Variants in ZMYND15 observed in about 807,000 individuals in gnomAD.
The protein encoded by ZMYND15 is zinc finger MYND domain-containing protein 15.
In ZMYND15, 54 loss-of-function variants were observed where a neutral mutation model predicts 81.7. The ratio of observed to expected loss-of-function variants is 0.66; its 90% CI spans 0.53 to 0.83. The LOEUF (loss-of-function observed/expected upper bound fraction) is 0.83, where lower values mean the gene tolerates loss of function less well. Ranked by LOEUF, ZMYND15 falls within the 40% of genes least tolerant of loss-of-function variation. The probability of loss-of-function intolerance (pLI) is 0.00; values close to 1 mark genes in which losing one functional copy is unlikely to be tolerated. For synonymous variants in ZMYND15, 399 were observed against 387.0 expected (o/e 1.03, Z -0.36); for missense variants, 925 against 973.5 (o/e 0.95, Z 0.66).
chr17:4,745,547 C>G lies in ZMYND15; in HGVS notation c.2057+172C>G, dbSNP rs1369024014. On this transcript the variant is annotated intron_variant, in intron 13 of 13. Coordinates refer to ENST00000433935, the MANE Select transcript of ZMYND15 (RefSeq NM_001136046.3). This position sits in a 1 kb window ranked among gnomAD's most constrained non-coding sequence, Gnocchi z 5.2. ...ACTACTCGTCGCCCCCATGGGAGGT[C>G]TCGACATCCCCCAGCACACCCCTCT... Among the ~76,000 whole-genome samples, 1 of 151,904 alleles carries G rather than the reference C, an allele frequency of 6.6e-6. No individual in the cohort carries two copies. Among genetic ancestry groups the G allele is most frequent in the East Asian group, 1.9e-4 (1 of 5,154 alleles).
rs770084389 is a variant in ZMYND15 at position 4,744,505 on chromosome 17, C to T, written c.1683+38C>T. On this transcript the variant is annotated intron_variant, in intron 10 of 13. Coordinates refer to ENST00000433935, the MANE Select transcript of ZMYND15 (RefSeq NM_001136046.3). The surrounding 1 kb of genome is among the most constrained non-coding windows in gnomAD (Gnocchi z 4.1). Reference sequence around the variant, plus strand: ...GGGGCCCTGCTTTTCAGCCCTGACCCCTCCAGTGACCTCCTGGTTGGGTCC... The same window carrying T: ...GGGGCCCTGCTTTTCAGCCCTGACCTCTCCAGTGACCTCCTGGTTGGGTCC... 9 of 1,612,312 alleles carry T rather than the reference C, an allele frequency of 5.6e-6. No individual in the cohort carries two copies. In the South Asian group the frequency reaches 7.7e-5, roughly 14 times the overall value.
intron 2 of ZMYND15, 110 bp from the exon 3 acceptor site, chr17:4,741,472 A>G (rs1179115559): frequency 2.5e-6 from 3 of 1,206,246 alleles, no homozygotes; most frequent in Admixed American, 3.7e-5. Context: ...CCCTTTACTC[A>G]GTGAGGTTAC....
In ZMYND15 at chr17:4,743,858, G is replaced by A. The variant is rs780330925; in HGVS notation, c.1378+11G>A. ...CCCGGGGTGTTTTTGGTGAGCTGGA[G>A]GGGCCCTGTGGAAGCTAGGGGTAGG... On this transcript the variant is annotated intron_variant, in intron 7 of 13. Coordinates refer to ENST00000433935, the MANE Select transcript of ZMYND15 (RefSeq NM_001136046.3). This position sits in a 1 kb window ranked among gnomAD's most constrained non-coding sequence, Gnocchi z 4.3. 1.2e-6 allele frequency: 2 copies of A among 1,613,168 alleles called. No individual in the cohort carries two copies. Among genetic ancestry groups the A allele is most frequent in the African/African-American group, 1.3e-5 (1 of 74,868 alleles).
chr17:4,742,623 A>G, intron 5 of ZMYND15, 132 bp downstream of exon 5: 1 of 1,252,038 alleles, frequency 8.0e-7, no homozygotes, highest in Non-Finnish European at 1.1e-6. Flanking sequence ...TCCCTGGAAC[A>G]AGGGCAGGGG....
Position 4,745,427 on chromosome 17 carries a change from C to G in ZMYND15, c.2057+52C>G, listed in dbSNP as rs1033224792. 6.5e-7 allele frequency: 1 copy of G among 1,541,216 alleles called. No individual in the cohort carries two copies. The highest frequency in any genetic ancestry group is 1.4e-5 in the African/African-American group (1 of 72,468). On this transcript the variant is annotated intron_variant, in intron 13 of 13. Coordinates refer to ENST00000433935, the MANE Select transcript of ZMYND15 (RefSeq NM_001136046.3). The surrounding 1 kb of genome is among the most constrained non-coding windows in gnomAD (Gnocchi z 5.2). ...CCTGACCCTTAACTTCTCTTACTCT[C>G]TGGCTCCACATCCTCGAAGGCCCAC...
Position 4,743,622 on chromosome 17 carries a change from C to A in ZMYND15, c.1298-145C>A. 7.8e-7 allele frequency: 1 copy of A among 1,282,198 alleles called. No homozygotes were observed. The highest frequency in any genetic ancestry group is 1.1e-6 in the Non-Finnish European group (1 of 938,090). The allele number at this position is 1,282,198 out of a possible 1,614,324, so 79.4% of individuals were successfully genotyped here. A position where few individuals can be genotyped will look rare whatever the true frequency, so the allele number is the denominator to read the frequency against. ...CTCAATGGAATCACCCCTACCAACTCCACCCAGAAACCCCATCCCTATGCA... is the reference window on the plus strand; with the variant it reads ...CTCAATGGAATCACCCCTACCAACTACACCCAGAAACCCCATCCCTATGCA... On this transcript the variant is annotated intron_variant, in intron 6 of 13. Coordinates refer to ENST00000433935, the MANE Select transcript of ZMYND15 (RefSeq NM_001136046.3). This position sits in a 1 kb window ranked among gnomAD's most constrained non-coding sequence, Gnocchi z 4.3.
Position 4,745,395 on chromosome 17 carries a change from T to C in ZMYND15, c.2057+20T>C, listed in dbSNP as rs761314674. On this transcript the variant is annotated intron_variant, in intron 13 of 13. Transcript: ENST00000433935. The surrounding 1 kb of genome is among the most constrained non-coding windows in gnomAD (Gnocchi z 5.2). ...GTCCTGGTAAGGGTCTGCGACCCTA[T>C]TTCCTTCCTGACCCTTAACTTCTCT... 14 of 1,575,486 alleles carry C rather than the reference T, an allele frequency of 8.9e-6. No individual in the cohort carries two copies. The highest frequency in any genetic ancestry group is 1.2e-5 in the Non-Finnish European group (14 of 1,162,734).
At position 4,741,900 on chromosome 17, in the gene ZMYND15, C is replaced by CG; in HGVS notation, c.828-15_828-14insG. On this transcript the variant is annotated splice_polypyrimidine_tract_variant and intron_variant, in intron 3 of 13. Transcript: ENST00000433935. ...TCCTCCAGCCTGATGCCATCTCCCC[C>CG]CCAACTGCATTTAGAGAGCTGGAGA... is the stretch of plus-strand genomic sequence containing the variant. 1.9e-6 allele frequency: 3 copies of CG among 1,612,084 alleles called. No individual in the cohort carries two copies. The highest frequency in any genetic ancestry group is 2.5e-6 in the Non-Finnish European group (3 of 1,178,530).
chr17:4,743,420 G>C lies in ZMYND15; in HGVS notation c.1262G>C (p.Arg421Pro). ...GGCCCGGGCTTCTCCAGACACCCCCGAGGCAACACGCCATCCCTCAGCCTT... is the reference window on the plus strand; with the variant it reads ...GGCCCGGGCTTCTCCAGACACCCCCCAGGCAACACGCCATCCCTCAGCCTT... ...IPGPGFSRHP[R>P]GNTPSLSLLR... Residue 421 changes from arginine to proline, a missense_variant, in exon 6 of 14, where the codon CGA becomes CCA. Coordinates refer to ENST00000433935, the MANE Select transcript of ZMYND15 (RefSeq NM_001136046.3). This position sits in a 1 kb window ranked among gnomAD's most constrained non-coding sequence, Gnocchi z 4.3. The C allele has an allele frequency of 6.2e-7, 1 of 1,613,972 alleles. No individual in the cohort carries two copies. The highest frequency in any genetic ancestry group is 8.5e-7 in the Non-Finnish European group (1 of 1,179,984).
chr17:4,743,689 C>A lies in ZMYND15; in HGVS notation c.1298-78C>A, dbSNP rs1597283270. 5 of 1,445,200 alleles carry A rather than the reference C, an allele frequency of 3.5e-6. No homozygotes were observed. Among genetic ancestry groups the A allele is most frequent in the Middle Eastern group, 1.8e-4 (1 of 5,554 alleles). 89.5% of individuals were successfully genotyped at this position (1,445,200 alleles called of 1,614,324 possible). The stretch of plus-strand genomic sequence containing the variant: ...ACTGCGGCTGTCTCAGGGAATACAG[C>A]CCCTTTGGAAGGAAGAAAGAGATGG... On this transcript the variant is annotated intron_variant, in intron 6 of 13. Coordinates refer to ENST00000433935, the MANE Select transcript of ZMYND15 (RefSeq NM_001136046.3). The surrounding 1 kb of genome is among the most constrained non-coding windows in gnomAD (Gnocchi z 4.3).
rs774362205 is a variant in ZMYND15, at chr17:4,742,331, C to T, written c.984C>T (p.Cys328=). The change falls in exon 5 of 14, where the codon TGC becomes TGT. Residue 328 remains cysteine (C), a splice_region_variant and synonymous_variant. Coordinates refer to ENST00000433935, the MANE Select transcript of ZMYND15 (RefSeq NM_001136046.3). ...TGCCCACCACCCGCTGTGTCCCCAG[C>T]CCCCAGTGTAGTGCTGTCTTGTATT... ...RHSFEAKLTP[C]PQCSAVLYCG... The T allele has an allele frequency of 1.2e-6, 2 of 1,613,404 alleles. No homozygotes were observed. Among genetic ancestry groups the T allele is most frequent in the Non-Finnish European group, 1.7e-6 (2 of 1,179,554 alleles).
intron 1 of ZMYND15, 152 bp downstream of exon 1, chr17:4,740,202 A>G: frequency 1.7e-6 from 1 of 576,140 alleles, no homozygotes; most frequent in Non-Finnish European, 2.2e-6. Flanking sequence ...TCCCGATAGG[A>G]TTAGCCCTCT....
intron 1 of ZMYND15, 57 bp from the exon 2 acceptor site, chr17:4,740,462 C>T: frequency 6.9e-7 from 1 of 1,457,042 alleles, no homozygotes; most frequent in Non-Finnish European, 9.1e-7. Flanking sequence ...TGTGACCCAG[C>T]CCCAAACTCC....
chr17:4,744,887 G>A lies in ZMYND15; in HGVS notation c.1855G>A (p.Ala619Thr), dbSNP rs1409344754. Residue 619 changes from alanine to threonine, a missense_variant, in exon 12 of 14, where the codon GCT becomes ACT. Physicochemically the swap from Ala to Thr is moderately conservative, Grantham distance 58. Transcript: ENST00000433935. This position sits in a 1 kb window ranked among gnomAD's most constrained non-coding sequence, Gnocchi z 4.1. ...GTCTGCAGGATTTAACTCCGGGTTT[G>A]CTCTCAAGGATACGTGGCTGAGGTC... The part of the protein sequence containing the change: ...DLVIGFNSGF[A>T]LKDTWLRSLP... 2 of 1,614,024 alleles carry A rather than the reference G, an allele frequency of 1.2e-6. No homozygotes were observed. The highest frequency in any genetic ancestry group is 2.2e-5 in the East Asian group (1 of 44,890).
chr17:4,745,117 T>TCTGTC lies in ZMYND15; in HGVS notation c.1897-96_1897-92dup. ...CCTCCCCCTGCTCCCCTCCGCCCGG[T>TCTGTC]CTGTCCGGGGACCTCGGCTTTCAGC... On this transcript the variant is annotated intron_variant, in intron 12 of 13. Coordinates refer to ENST00000433935, the MANE Select transcript of ZMYND15 (RefSeq NM_001136046.3). This position sits in a 1 kb window ranked among gnomAD's most constrained non-coding sequence, Gnocchi z 5.2. 6.3e-7 allele frequency: 1 copy of TCTGTC among 1,596,738 alleles called. No individual in the cohort carries two copies. The highest frequency in any genetic ancestry group is 8.6e-7 in the Non-Finnish European group (1 of 1,169,200).
rs2150629345 is a variant in ZMYND15, at chr17:4,743,373, C to G, written c.1215C>G (p.Thr405=). The G allele has an allele frequency of 1.2e-6, 2 of 1,614,116 alleles. No individual in the cohort carries two copies. The highest frequency in any genetic ancestry group is 2.7e-5 in the African/African-American group (2 of 75,026). ...ASRGLTRGYW[T]QLSMLIPGPG... ...GGGGCCTCACTCGTGGCTATTGGAC[C>G]CAGCTCAGCATGCTGATTCCAGGCC... The change falls in exon 6 of 14, where the codon ACC becomes ACG. Residue 405 remains threonine, a synonymous_variant. Coordinates refer to ENST00000433935, the MANE Select transcript of ZMYND15 (RefSeq NM_001136046.3). The surrounding 1 kb of genome is among the most constrained non-coding windows in gnomAD (Gnocchi z 4.3).
At chr17:4,742,126 G>C in intron 4 of ZMYND15, 56 bp downstream of exon 4, 4 of 1,604,246 alleles carry the variant, frequency 2.5e-6, no homozygotes, top group Non-Finnish European at 3.4e-6. Flanking sequence ...ATAGAAGGAA[G>C]GCAGGGTGGT....
chr17:4,741,879 C>G (rs1567698203), intron 3 of ZMYND15, 36 bp from the exon 4 acceptor site: 14 of 1,606,076 alleles, frequency 8.7e-6, no homozygotes, highest in Middle Eastern at 1.7e-4. Flanking sequence ...AGCACCTCCT[C>G]CAGCCTGATG....
intron 1 of ZMYND15, 166 bp from the exon 2 acceptor site, chr17:4,740,352 TA>T: frequency 8.2e-7 from 1 of 1,220,550 alleles, no homozygotes; most frequent in Non-Finnish European, 1.1e-6. Flanking sequence ...TTTTCCTCCC[TA>T]AACTCCCATC....
Sources: allele counts gnomAD v4.1 joint callset (sites outside exome capture counted in the v4.1 genomes callset), GRCh38; gene constraint gnomAD v4.1.1; non-coding constraint Gnocchi (gnomAD v3.1); transcripts MANE v1.5; gene names NCBI Gene and HGNC (gene_info 2026-07-23, HGNC 2026-07-21).